Variants in DAB1 observed in about 807,000 individuals in gnomAD.
DAB1 encodes disabled homolog 1.
In DAB1, 15 loss-of-function variants were observed where a neutral mutation model predicts 64.6. The ratio of observed to expected loss-of-function variants is 0.23; its 90% CI spans 0.16 to 0.36. The LOEUF is 0.36. Among genes scored for constraint, DAB1 ranks in the 10% least tolerant of loss-of-function variants. The probability of loss-of-function intolerance (pLI) is 1.00; values close to 1 mark genes in which losing one functional copy is unlikely to be tolerated. For synonymous variants in DAB1, 235 were observed against 251.9 expected, an observed-to-expected ratio of 0.93 and a Z score of 0.64; for missense variants, 596 against 706.7, an observed-to-expected ratio of 0.84 and a Z score of 1.78.
chr1:57,561,541 A>C (rs1375632327), intron 7 of DAB1, among the ~76,000 whole-genome samples: 3 of 152,222 alleles, frequency 2.0e-5, no homozygotes, highest in African/African-American at 7.2e-5. Flanking sequence ...AAAAACTGTT[A>C]AGATATTTGT....
chr1:57,317,514 T>C (rs912507854), intron 1 of DAB1, among the ~76,000 whole-genome samples: 1 of 152,184 alleles, frequency 6.6e-6, no homozygotes, highest in Admixed American at 6.5e-5. Flanking sequence ...TCTATGGGCC[T>C]GTCCTAATTA....
chr1:57,033,024 A>T (rs974648662), intron 9 of DAB1, among the ~76,000 whole-genome samples: 1 of 152,152 alleles, frequency 6.6e-6, no homozygotes, highest in African/African-American at 2.4e-5. Context: ...GCAATGTTGC[A>T]CTATGTTACA....
At chr1:58,329,488 T>C (rs1395475797) in intron 4 of DAB1, among the ~76,000 whole-genome samples, 3 of 152,202 alleles carry the variant, frequency 2.0e-5, no homozygotes, top group Non-Finnish European at 4.4e-5. Flanking sequence ...TGTGTTATAG[T>C]CATATTTTTA....
intron 5 of DAB1, among the ~76,000 whole-genome samples, chr1:58,041,848 C>A (rs938449578): frequency 1.3e-5 from 2 of 152,220 alleles, no homozygotes; most frequent in Non-Finnish European, 2.9e-5. Flanking sequence ...GAGTCAGAAC[C>A]ACAAAATAGT....
intron 6 of DAB1, among the ~76,000 whole-genome samples, chr1:57,673,556 A>G (rs1646531966): frequency 6.6e-6 from 1 of 152,076 alleles, no homozygotes; most frequent in South Asian, 2.1e-4. Flanking sequence ...TTGTGGATGG[A>G]TGAATGCAGG....
intron 7 of DAB1, among the ~76,000 whole-genome samples, chr1:57,615,789 C>T (rs1216656668): frequency 2.2e-4 from 34 of 152,162 alleles, no homozygotes; most frequent in Non-Finnish European, 3.5e-4. Context: ...GCAAGCTTTA[C>T]CAACTGAAAG....
intron 6 of DAB1, among the ~76,000 whole-genome samples, chr1:57,695,362 AAG>A (rs1491523476): frequency 0.064 from 2,174 of 33,756 alleles, 58 homozygotes; most frequent in African/African-American, 0.12. Context: ...GAAAAGAAAG[AAG>A]AAAGAAAGAA....
chr1:58,074,564 G>GTGTGTGTATATATATATATA (rs1332531604), intron 5 of DAB1: 60 of 91,608 alleles, frequency 6.5e-4, no homozygotes, highest in South Asian at 1.4e-3. Flanking sequence ...ATATATGTGT[G>GTGTGTGTATATATATATATA]TATATATATA....
intron 4 of DAB1, among the ~76,000 whole-genome samples, chr1:58,246,903 A>G (rs114185709): frequency 0.016 from 2,407 of 151,846 alleles, 34 homozygotes; most frequent in Middle Eastern, 0.041. Context: ...GTGTGTGTGT[A>G]CGGTGTGAGC....
At chr1:57,679,884 T>A (rs1202327298) in intron 6 of DAB1, among the ~76,000 whole-genome samples, 1 of 152,224 alleles carries the variant, frequency 6.6e-6, no homozygotes. Flanking sequence ...TTAGCTAACA[T>A]GGTAACCCCA....
chr1:57,687,552 A>T (rs373601725), intron 6 of DAB1, among the ~76,000 whole-genome samples: 1 of 147,578 alleles, frequency 6.8e-6, no homozygotes, highest in Non-Finnish European at 1.5e-5. Context: ...TAAAACTCAT[A>T]TGTAACAACA....
intron 4 of DAB1, among the ~76,000 whole-genome samples, chr1:58,152,751 T>C (rs1476965377): frequency 6.6e-6 from 1 of 152,270 alleles, no homozygotes; most frequent in Non-Finnish European, 1.5e-5. Context: ...GTTTTTTCTA[T>C]TATTCTCAAC....
chr1:57,697,698 G>C (rs1646861306), intron 6 of DAB1, among the ~76,000 whole-genome samples: 2 of 152,114 alleles, frequency 1.3e-5, no homozygotes, highest in African/African-American at 4.8e-5. Flanking sequence ...CATACCCTGG[G>C]AATGATTACT....
Position 58,020,538 on chromosome 1 carries a change from C to G in DAB1, n.387+129973G>C, listed in dbSNP as rs576429948. ...AGGTAAATTCCAGCTATTTCTCCAA[C>G]AAATGGACAACTTCAACTTAGATCA... On this transcript the variant is annotated intron_variant and non_coding_transcript_variant, in intron 5 of 20. Coordinates refer to the DAB1 transcript ENST00000485760. 2.0e-5 allele frequency among the ~76,000 whole-genome samples: 3 copies of G among 152,296 alleles called. No individual in the cohort carries two copies. The South Asian group carries it at 6.2e-4, about 32-fold the overall frequency.
At chr1:57,366,036 T>C (rs143896473) in intron 1 of DAB1, among the ~76,000 whole-genome samples, 188 of 152,316 alleles carry the variant, frequency 1.2e-3, no homozygotes, top group African/African-American at 4.3e-3. Context: ...GCTAGGACTA[T>C]GCAAATTGGT....
intron 6 of DAB1, among the ~76,000 whole-genome samples, chr1:57,781,110 C>G (rs936770000): frequency 2.1e-4 from 13 of 61,748 alleles, no homozygotes; most frequent in Non-Finnish European, 3.8e-4. Context: ...CTCTCTCTCT[C>G]TCTCTCTCTC....
chr1:57,060,089 C>T (rs984694672), intron 9 of DAB1, among the ~76,000 whole-genome samples: 1 of 150,666 alleles, frequency 6.6e-6, no homozygotes, highest in Non-Finnish European at 1.5e-5. Flanking sequence ...CAGGGATTTT[C>T]ACAAATTCCT....
At chr1:57,510,078 T>G (rs766127734) in intron 7 of DAB1, among the ~76,000 whole-genome samples, 2 of 152,188 alleles carry the variant, frequency 1.3e-5, no homozygotes, top group African/African-American at 2.4e-5. Context: ...AATTCACAAA[T>G]GACAATAGTT....
intron 5 of DAB1, among the ~76,000 whole-genome samples, chr1:58,036,770 C>T (rs1647051098): frequency 6.6e-6 from 1 of 152,058 alleles, no homozygotes. Flanking sequence ...CATGTGGAGA[C>T]TTGGAAGACC....
Sources: allele counts gnomAD v4.1 joint callset (sites outside exome capture counted in the v4.1 genomes callset), GRCh38; gene constraint gnomAD v4.1.1; transcripts MANE v1.5; gene names NCBI Gene and HGNC (gene_info 2026-07-23, HGNC 2026-07-21).